SUPT6H: variants seen among roughly 807,000 people sequenced by gnomAD.
The protein encoded by SUPT6H is SPT6 homolog, histone chaperone and transcription elongation factor.
A neutral mutation model predicts 222.3 loss-of-function variants in SUPT6H; 11 were observed. That is an observed-to-expected ratio of 0.05 (90% CI 0.03 to 0.08). The LOEUF is 0.08. Among genes scored for constraint, SUPT6H ranks in the 10% least tolerant of loss-of-function variants. The probability of loss-of-function intolerance (pLI) is 1.00; values close to 1 mark genes in which losing one functional copy is unlikely to be tolerated. For missense variants in SUPT6H, 1,422 were observed against 2,216.0 expected (o/e 0.64, Z 7.19); for synonymous variants, 762 against 801.2 (o/e 0.95, Z 0.83).
chr17:28,690,810 C>G (rs1327660366), intron 26 of SUPT6H, 111 bp from the exon 27 acceptor site: 1 of 1,244,190 alleles, frequency 8.0e-7, no homozygotes, highest in African/African-American at 1.5e-5. Flanking sequence ...GGAAGAGTTC[C>G]CTCTTCAAGG....
At chr17:28,701,269 G>A in intron 36 of SUPT6H, 141 bp downstream of exon 36, 1 of 1,411,338 alleles carries the variant, frequency 7.1e-7, no homozygotes, top group Non-Finnish European at 9.5e-7. Flanking sequence ...CTAGTTTCTG[G>A]GTGAAGACGG....
rs2032072120 is a variant in SUPT6H, at chr17:28,700,108, C to A, written c.4562-65C>A. 3 of 1,606,758 alleles carry A rather than the reference C, an allele frequency of 1.9e-6. No homozygotes were observed. The Admixed American group carries it at 5.0e-5, about 27-fold the overall frequency. Reference sequence around the variant, plus strand: ...CTACCTACTTCAGTGCCCCTTCCACCCCCTGAATTGGGAAACCAAAAATAG... The same window carrying A: ...CTACCTACTTCAGTGCCCCTTCCACACCCTGAATTGGGAAACCAAAAATAG... On this transcript the variant is annotated intron_variant, in intron 33 of 36. Coordinates refer to ENST00000314616, the MANE Select transcript of SUPT6H (RefSeq NM_003170.5).
chr17:28,689,989 C>T (rs2031563812), intron 25 of SUPT6H, 93 bp from the exon 26 acceptor site: 5 of 1,452,334 alleles, frequency 3.4e-6, no homozygotes, highest in Non-Finnish European at 4.6e-6. Flanking sequence ...GAAACTTACT[C>T]CCATCTGGAG....
In SUPT6H at chr17:28,702,022, G is replaced by T. The variant is rs753660637; in HGVS notation, c.*397G>T. The T allele has an allele frequency of 1.2e-5, 2 of 173,688 alleles. No individual in the cohort carries two copies. The highest frequency in any genetic ancestry group is 2.5e-5 in the Non-Finnish European group (2 of 81,472). 10.8% of individuals were successfully genotyped at this position (173,688 alleles called of 1,614,324 possible). On this transcript the variant is annotated 3_prime_UTR_variant, in exon 37 of 37. Transcript: ENST00000314616. ...AGCACATGAGTCTCCCCTAGCTCTCGTGGGGAGAGGGATGCTATTTATTCA... is the reference window on the plus strand; with the variant it reads ...AGCACATGAGTCTCCCCTAGCTCTCTTGGGGAGAGGGATGCTATTTATTCA...
At chr17:28,681,429 G>A in intron 12 of SUPT6H, 25 bp downstream of exon 12, 1 of 1,565,330 alleles carries the variant, frequency 6.4e-7, no homozygotes, top group Non-Finnish European at 8.6e-7. Context: ...AGAAAATCCA[G>A]GAGATTTGAT....
chr17:28,680,080 A>G (rs2031010305), intron 11 of SUPT6H, among the ~76,000 whole-genome samples: 1 of 151,546 alleles, frequency 6.6e-6, no homozygotes, highest in Admixed American at 6.6e-5. Flanking sequence ...TGAGGTGGGC[A>G]GATCACCTGA....
chr17:28,675,255 T>TC, intron 5 of SUPT6H, 93 bp downstream of exon 5: 2 of 1,489,104 alleles, frequency 1.3e-6, no homozygotes, highest in Non-Finnish European at 1.8e-6. Context: ...TTTAGCTACA[T>TC]CCCCCAGCAT....
At chr17:28,686,490 C>A in intron 20 of SUPT6H, 75 bp downstream of exon 20, 1 of 1,559,068 alleles carries the variant, frequency 6.4e-7, no homozygotes, top group Non-Finnish European at 8.8e-7. Flanking sequence ...CTGGCATATG[C>A]CCATAACAGA....
chr17:28,676,185 G>A lies in SUPT6H; in HGVS notation c.652G>A (p.Gly218Ser), dbSNP rs2030736354. Residue 218 changes from glycine to serine, a missense_variant, in exon 7 of 37, where the codon GGT becomes AGT. Coordinates refer to ENST00000314616, the MANE Select transcript of SUPT6H (RefSeq NM_003170.5). Reference protein sequence around the residue: ...AALQEAQEIFGVDFDYDEFEK... With the variant: ...AALQEAQEIFSVDFDYDEFEK... ...CCTGCAAGAAGCCCAGGAAATCTTC[G>A]GTGTGGACTTTGACTATGATGAATT... is the stretch of plus-strand genomic sequence containing the variant. 1.2e-6 allele frequency: 2 copies of A among 1,603,972 alleles called. No individual in the cohort carries two copies. Among genetic ancestry groups the A allele is most frequent in the Non-Finnish European group, 1.7e-6 (2 of 1,175,106 alleles).
At position 28,675,494 on chromosome 17, in the gene SUPT6H, G is replaced by A; in HGVS notation, c.623+9G>A. ...CCTGGATACACAGACGCGTGAGTGG[G>A]GTCTGGTACAAGGTGGGGATAAAGT... On this transcript the variant is annotated intron_variant, in intron 6 of 36. Transcript: ENST00000314616. 6.2e-7 allele frequency: 1 copy of A among 1,613,908 alleles called. No homozygotes were observed. Among genetic ancestry groups the A allele is most frequent in the South Asian group, 1.1e-5 (1 of 91,072 alleles).
chr17:28,687,938 TTTTTAA>T (rs1273680289), intron 23 of SUPT6H, among the ~76,000 whole-genome samples, 147 bp from the exon 24 acceptor site: 3 of 152,032 alleles, frequency 2.0e-5, no homozygotes, highest in South Asian at 2.1e-4. Flanking sequence ...TTTTTTTTTT[TTTTTAA>T]TTTTGAGTGG....
At chr17:28,673,532 G>C in intron 2 of SUPT6H, 22 bp downstream of exon 2, 1 of 1,539,206 alleles carries the variant, frequency 6.5e-7, no homozygotes, top group Non-Finnish European at 9.0e-7. Flanking sequence ...CCAGCCTCAA[G>C]CTTCTCCCCA....
chr17:28,689,018 C>A, intron 24 of SUPT6H: 1 of 199,140 alleles, frequency 5.0e-6, no homozygotes, highest in Admixed American at 5.6e-5. Context: ...CCCCATAATC[C>A]CACCCCCCAG....
At chr17:28,686,973 G>GA in intron 21 of SUPT6H, 115 bp from the exon 22 acceptor site, 2 of 1,517,386 alleles carry the variant, frequency 1.3e-6, no homozygotes. Flanking sequence ...TCGGTCTCAG[G>GA]AAAAAAGATC....
chr17:28,686,623 C>T (rs2031392245), intron 20 of SUPT6H, 31 bp from the exon 21 acceptor site: 2 of 1,559,162 alleles, frequency 1.3e-6, no homozygotes, highest in East Asian at 2.3e-5. Flanking sequence ...CCTAAGAAAA[C>T]ATATTCATTG....
rs1003608699 is a variant in SUPT6H, at chr17:28,702,336, A to G, written c.*711A>G. On this transcript the variant is annotated 3_prime_UTR_variant, in exon 37 of 37. Coordinates refer to ENST00000314616, the MANE Select transcript of SUPT6H (RefSeq NM_003170.5). ...CTCCCCTGACTCCCTCTTCTGATCC[A>G]TCAGAGGCAAAGATTCATAGACTAG... The G allele has an allele frequency of 6.6e-5, 10 of 152,666 alleles. No homozygotes were observed. Among genetic ancestry groups the G allele is most frequent in the African/African-American group, 1.7e-4 (7 of 41,444 alleles). The allele number at this position is 152,666 out of a possible 1,614,324, so 9.5% of individuals were successfully genotyped here.
In SUPT6H at chr17:28,675,150, G is replaced by A; in HGVS notation, c.526G>A (p.Asp176Asn). The A allele has an allele frequency of 6.2e-7, 1 of 1,610,482 alleles. No individual in the cohort carries two copies. Among genetic ancestry groups the A allele is most frequent in the Non-Finnish European group, 8.5e-7 (1 of 1,179,066 alleles). The change falls in exon 5 of 37, where the codon GAT becomes AAT. Residue 176 changes from aspartate (D) to asparagine (N), a missense_variant. Asp to Asn is a conservative substitution (Grantham distance 23, BLOSUM62 1). Around this residue, in one of 13 missense-constraint regions of SUPT6H, gnomAD observed 389 missense variants for 544.6 expected, o/e 0.71. Coordinates refer to ENST00000314616, the MANE Select transcript of SUPT6H (RefSeq NM_003170.5). Reference sequence around the variant, plus strand: ...TCCTCCAGAGGAGGAGGAAGAAGATGATGAGGAGTCAGGTATGTTATATTG... The same window carrying A: ...TCCTCCAGAGGAGGAGGAAGAAGATAATGAGGAGTCAGGTATGTTATATTG... ...MAPPEEEEED[D>N]EESDIDDFIV...
intron 7 of SUPT6H, 80 bp downstream of exon 7, chr17:28,676,510 A>AT: frequency 6.3e-6 from 10 of 1,593,696 alleles, no homozygotes; most frequent in Non-Finnish European, 8.5e-6. Context: ...AAAGTCTGGC[A>AT]TTGAGTATCC....
intron 8 of SUPT6H, 23 bp from the exon 9 acceptor site, chr17:28,678,053 A>C (rs763830678): frequency 6.3e-7 from 1 of 1,598,962 alleles, no homozygotes; most frequent in South Asian, 1.1e-5. Flanking sequence ...TTGTCTTGCT[A>C]TTTCTTTATT....
Sources: gnomAD v4.1 joint callset for allele counts (sites outside exome capture counted in the v4.1 genomes callset) on GRCh38, gnomAD v4.1.1 for gene constraint, gnomAD v4.1.1 regional missense constraint, MANE v1.5 for transcripts, NCBI Gene and HGNC (gene_info 2026-07-23, HGNC 2026-07-21) for gene names.